Variants in AKAP6 observed in about 807,000 individuals in gnomAD.
The protein encoded by AKAP6 is A-kinase anchor protein 6.
AKAP6 carries 58 observed loss-of-function variants against 188.5 expected under a neutral mutation model. The ratio of observed to expected loss-of-function variants is 0.31; its 90% CI spans 0.25 to 0.38. The LOEUF is 0.38. AKAP6 is among the 10% of genes least tolerant of loss of function. The probability of loss-of-function intolerance (pLI) is 1.00; values close to 1 mark genes in which losing one functional copy is unlikely to be tolerated. For missense variants in AKAP6, 2,710 were observed against 2,740.0 expected (o/e 0.99, Z 0.24); for synonymous variants, 989 against 998.6 (o/e 0.99, Z 0.18).
At chr14:32,495,952 T>C (rs141838995) in intron 2 of AKAP6, among the ~76,000 whole-genome samples, 1 of 152,348 alleles carries the variant, frequency 6.6e-6, no homozygotes, top group African/African-American at 2.4e-5. Flanking sequence ...ATATTGTTGT[T>C]CTTCTTACCC....
chr14:32,647,879 G>A (rs531433310), intron 7 of AKAP6, among the ~76,000 whole-genome samples: 4 of 152,102 alleles, frequency 2.6e-5, no homozygotes, highest in Admixed American at 2.6e-4. Flanking sequence ...ACAATTCAAA[G>A]TATCATATGA....
intron 1 of AKAP6, among the ~76,000 whole-genome samples, chr14:32,361,200 A>G (rs1200085883): frequency 1.3e-5 from 2 of 152,008 alleles, no homozygotes; most frequent in Admixed American, 6.6e-5. Flanking sequence ...AATGTGGCAA[A>G]TGAACTCTGT....
rs10220490 is a variant in AKAP6, at chr14:32,535,208, G to A, written c.325-346G>A. Among the ~76,000 whole-genome samples, 1,327 of 152,214 alleles carry A rather than the reference G, an allele frequency of 8.7e-3. 21 individuals are homozygous for A. Among genetic ancestry groups the A allele is most frequent in the African/African-American group, 0.027 (1,136 of 41,514 alleles). ...TAGCTTAGTGCTAGCAAATAAAACA[G>A]CCACTGGTTCCCTTCCAGAATACCC... On this transcript the variant is annotated intron_variant, in intron 2 of 13. Transcript: ENST00000280979.
At chr14:32,569,287 G>A (rs776835010) in intron 4 of AKAP6, among the ~76,000 whole-genome samples, 1 of 152,148 alleles carries the variant, frequency 6.6e-6, no homozygotes, top group African/African-American at 2.4e-5. Context: ...CTTTAGAAAA[G>A]AAGCTAAATA....
Position 32,824,828 on chromosome 14 carries a change from C to CCTG in AKAP6, c.*42+13_*42+14insCTG. ...ATCTCACTGAAAGGTACGTATAGTC[C>CCTG]TCATGCCGTATATGTATTTAAAATA... On this transcript the variant is annotated intron_variant, in intron 13 of 13. Coordinates refer to ENST00000280979, the MANE Select transcript of AKAP6 (RefSeq NM_004274.5). The CCTG allele has an allele frequency of 6.5e-7, 1 of 1,540,934 alleles. No individual in the cohort carries two copies. Among genetic ancestry groups the CCTG allele is most frequent in the Non-Finnish European group, 8.7e-7 (1 of 1,147,056 alleles).
At chr14:32,430,593 T>C (rs1890185819) in intron 1 of AKAP6, among the ~76,000 whole-genome samples, 1 of 152,152 alleles carries the variant, frequency 6.6e-6, no homozygotes, top group South Asian at 2.1e-4. Flanking sequence ...AACAGTTCAT[T>C]GTATGCTGCC....
intron 5 of AKAP6, among the ~76,000 whole-genome samples, chr14:32,585,492 A>ATGTG (rs1555342354): frequency 6.6e-5 from 10 of 150,842 alleles, no homozygotes; most frequent in African/African-American, 1.7e-4. Flanking sequence ...AACTATATAT[A>ATGTG]TGTGTGTGTG....
chr14:32,771,325 CT>C (rs1025524154), intron 11 of AKAP6, among the ~76,000 whole-genome samples: 37 of 136,604 alleles, frequency 2.7e-4, no homozygotes, highest in African/African-American at 1.0e-3. Flanking sequence ...AGACTAAGCC[CT>C]GTGTTCATTT....
At chr14:32,428,986 A>G (rs773639839) in intron 1 of AKAP6, among the ~76,000 whole-genome samples, 1 of 152,216 alleles carries the variant, frequency 6.6e-6, no homozygotes, top group African/African-American at 2.4e-5. Context: ...TATTTTTAAC[A>G]GCAGCTGGGA....
At chr14:32,818,962 A>G (rs771167479) in intron 12 of AKAP6, among the ~76,000 whole-genome samples, 1 of 152,226 alleles carries the variant, frequency 6.6e-6, no homozygotes, top group Non-Finnish European at 1.5e-5. Context: ...TGAAATTAAT[A>G]TACTATTTGA....
rs140250281 is a variant in AKAP6, at chr14:32,735,845, G to A, written c.3335G>A (p.Gly1112Glu). The A allele has an allele frequency of 8.8e-4, 1,411 of 1,612,272 alleles. 17 individuals carry two copies. The South Asian group carries it at 9.5e-3, about 11-fold the overall frequency. The change falls in exon 11 of 14, where the codon GGA (glycine) becomes GAA (glutamate). Residue 1112 changes from glycine (G) to glutamate (E), a missense_variant. By Grantham distance (98) the Gly-to-Glu change is moderately conservative. This residue lies in a region of AKAP6 where 2,473 missense variants were observed against 2,426.1 expected (regional missense o/e 1.02). Coordinates refer to ENST00000280979, the MANE Select transcript of AKAP6 (RefSeq NM_004274.5). ...TCCTGTCTGAGACAAGAAAAGGAAGGAACAATGAATACTGAGAAACAACTG... is the reference window on the plus strand; with the variant it reads ...TCCTGTCTGAGACAAGAAAAGGAAGAAACAATGAATACTGAGAAACAACTG... ...FNSCLRQEKE[G>E]TMNTEKQLQY... is the part of the protein sequence containing the mutation.
At chr14:32,730,697 C>T (rs2031133244) in intron 9 of AKAP6, among the ~76,000 whole-genome samples, 2 of 152,160 alleles carry the variant, frequency 1.3e-5, no homozygotes, top group African/African-American at 4.8e-5. Context: ...ATTTTCCTGC[C>T]TGCCTGAAAT....
intron 2 of AKAP6, among the ~76,000 whole-genome samples, chr14:32,446,404 A>T (rs1890756453): frequency 1.3e-5 from 2 of 152,206 alleles, no homozygotes; most frequent in African/African-American, 4.8e-5. Flanking sequence ...GTCATTTTGT[A>T]TATGTAGGAT....
chr14:32,781,393 CT>C lies in AKAP6; in HGVS notation c.3588+7504del, dbSNP rs1200511239. Among the ~76,000 whole-genome samples the C allele has an allele frequency of 1.1e-4, 16 of 150,984 alleles. No homozygotes were observed. The East Asian group carries it at 2.7e-3, about 26-fold the overall frequency. ...ATATGAAGGTAATTTTATGAATAAT[CT>C]TTTGTCTACTAAATACATTGAGTCA... is the stretch of plus-strand genomic sequence containing the variant. On this transcript the variant is annotated intron_variant, in intron 12 of 13. Coordinates refer to ENST00000280979, the MANE Select transcript of AKAP6 (RefSeq NM_004274.5).
chr14:32,399,235 A>G (rs1046628226), intron 1 of AKAP6, among the ~76,000 whole-genome samples: 5 of 152,208 alleles, frequency 3.3e-5, no homozygotes, highest in Admixed American at 6.5e-5. Flanking sequence ...AAAAACTACA[A>G]TAAGTTTGAT....
At chr14:32,504,187 A>G (rs1880745223) in intron 2 of AKAP6, among the ~76,000 whole-genome samples, 1 of 152,010 alleles carries the variant, frequency 6.6e-6, no homozygotes. Context: ...TGTTATTGCT[A>G]TATTGTTAAT....
chr14:32,744,526 C>T (rs2031813511), intron 11 of AKAP6, among the ~76,000 whole-genome samples: 1 of 152,098 alleles, frequency 6.6e-6, no homozygotes, highest in Non-Finnish European at 1.5e-5. Flanking sequence ...CTGCACTAGC[C>T]AGGATGGTCT....
At chr14:32,795,766 A>G (rs552909672) in intron 12 of AKAP6, among the ~76,000 whole-genome samples, 1 of 152,204 alleles carries the variant, frequency 6.6e-6, no homozygotes, top group Non-Finnish European at 1.5e-5. Flanking sequence ...TCAACATGGT[A>G]CTGGAAGTTC....
intron 9 of AKAP6, among the ~76,000 whole-genome samples, chr14:32,729,824 C>T (rs2031084337): frequency 6.6e-6 from 1 of 152,086 alleles, no homozygotes. Flanking sequence ...TCATTTTTGC[C>T]TATTGAAGAG....
Sources: allele counts gnomAD v4.1 joint callset (sites outside exome capture counted in the v4.1 genomes callset), GRCh38; gene constraint gnomAD v4.1.1; regional missense constraint gnomAD v4.1.1; transcripts MANE v1.5; gene names NCBI Gene and HGNC (gene_info 2026-07-23, HGNC 2026-07-21).